Variants in ALDH1L1 observed in about 807,000 individuals in gnomAD.
ALDH1L1 encodes the protein aldehyde dehydrogenase 1 family member L1.
ALDH1L1 carries 68 observed loss-of-function variants against 101.1 expected under a neutral mutation model. The observed-to-expected ratio is 0.67, with a 90% CI of 0.55 to 0.82. The LOEUF is 0.82. Ranked by LOEUF, ALDH1L1 falls within the 40% of genes least tolerant of loss-of-function variation. The pLI is 0.00. For synonymous variants in ALDH1L1, 486 were observed against 470.8 expected (o/e 1.03, Z -0.42); for missense variants, 1,087 against 1,172.7 (o/e 0.93, Z 1.07).
chr3:126,158,675 A>G (rs1422385808), intron 2 of ALDH1L1, 36 bp from the exon 3 acceptor site: 1 of 1,589,212 alleles, frequency 6.3e-7, no homozygotes, highest in Non-Finnish European at 8.6e-7. Context: ...GCCCCTCTCC[A>G]TAACCCACCC....
At chr3:126,193,969 G>A (rs1242898322) in intron 1 of ALDH1L1, among the ~76,000 whole-genome samples, 2 of 152,122 alleles carry the variant, frequency 1.3e-5, no homozygotes, top group Non-Finnish European at 2.9e-5. Context: ...GCACTCCAGA[G>A]TGCTTTTTAG....
intron 17 of ALDH1L1, among the ~76,000 whole-genome samples, chr3:126,117,041 C>T (rs1014143904): frequency 3.9e-5 from 6 of 152,014 alleles, no homozygotes; most frequent in South Asian, 2.1e-4. Context: ...TAAAGGAGTT[C>T]GAGACCAGGC....
chr3:126,116,907 T>C (rs574740188), intron 17 of ALDH1L1, among the ~76,000 whole-genome samples: 3 of 152,174 alleles, frequency 2.0e-5, no homozygotes, highest in Non-Finnish European at 4.4e-5. Flanking sequence ...ACCAGTCAAT[T>C]TGAGGCCAAA....
At chr3:126,145,026 T>C (rs1217354551) in intron 9 of ALDH1L1, among the ~76,000 whole-genome samples, 3 of 152,156 alleles carry the variant, frequency 2.0e-5, no homozygotes, top group Non-Finnish European at 2.9e-5. Context: ...AAGACTTGAA[T>C]AGACATTTCT....
intron 9 of ALDH1L1, among the ~76,000 whole-genome samples, chr3:126,139,572 G>T (rs1236883715): frequency 6.6e-6 from 1 of 152,180 alleles, no homozygotes; most frequent in Non-Finnish European, 1.5e-5. Flanking sequence ...TACCCCTGAG[G>T]AAGATCAGAT....
At position 126,146,934 on chromosome 3, in the gene ALDH1L1, G is replaced by T. The variant is rs779095456; in HGVS notation, c.985-8C>A. ...GATCCGCTGCCAAACACTCTGCAAA[G>T]CAAGACCTGATGAGAGGCTGGCCCC... On this transcript the variant is annotated splice_polypyrimidine_tract_variant and splice_region_variant and intron_variant, in intron 8 of 22. Coordinates refer to ENST00000393434, the MANE Select transcript of ALDH1L1 (RefSeq NM_012190.4). The T allele has an allele frequency of 1.9e-6, 3 of 1,612,798 alleles. No individual in the cohort carries two copies. The highest frequency in any genetic ancestry group is 2.5e-6 in the Non-Finnish European group (3 of 1,179,448).
chr3:126,180,332 G>T, intron 1 of ALDH1L1, 144 bp downstream of exon 1: 1 of 540,788 alleles, frequency 1.8e-6, no homozygotes, highest in Non-Finnish European at 2.4e-6. Flanking sequence ...GCGTCCCAGC[G>T]GCGAAGTTGA....
intron 1 of ALDH1L1, among the ~76,000 whole-genome samples, chr3:126,175,123 A>G (rs192266655): frequency 1.7e-4 from 26 of 152,290 alleles, no homozygotes; most frequent in Non-Finnish European, 3.1e-4. Context: ...ACAACTCTAT[A>G]TCAACAAATT....
chr3:126,154,852 GT>G (rs2080874209), intron 5 of ALDH1L1, among the ~76,000 whole-genome samples: 1 of 152,172 alleles, frequency 6.6e-6, no homozygotes, highest in South Asian at 2.1e-4. Flanking sequence ...CTTCAGAATG[GT>G]TTGGGGAAGA....
intron 1 of ALDH1L1, among the ~76,000 whole-genome samples, chr3:126,196,107 A>G (rs1434772921): frequency 6.6e-6 from 1 of 152,214 alleles, no homozygotes; most frequent in Non-Finnish European, 1.5e-5. Flanking sequence ...AACTTAAAGT[A>G]TAATAAAAAA....
upstream of ALDH1L1, among the ~76,000 whole-genome samples, chr3:126,183,617 C>G (rs72967772): frequency 7.4e-3 from 1,130 of 152,326 alleles, 15 homozygotes; most frequent in African/African-American, 0.025. Flanking sequence ...TTGCCGTACA[C>G]TAGTTACTCC....
At chr3:126,181,109 A>G, upstream of ALDH1L1, 2 of 1,035,994 alleles carry the variant, frequency 1.9e-6, no homozygotes, top group Non-Finnish European at 2.9e-6. Context: ...CCTCTCCGAG[A>G]GAAAAACAGC....
chr3:126,109,927 GAC>G lies in ALDH1L1; in HGVS notation c.2347+15_2347+16del, dbSNP rs1406378453. On this transcript the variant is annotated intron_variant, in intron 20 of 22. Transcript: ENST00000393434. ...TGCCTCAATTGACCCAAGCGGACCTGACACACTCTGACTCACCTGGCCGAGGG... is the reference window on the plus strand; with the variant it reads ...TGCCTCAATTGACCCAAGCGGACCTGACACTCTGACTCACCTGGCCGAGGG... 6.2e-7 allele frequency: 1 copy of G among 1,612,834 alleles called. No homozygotes were observed. Among genetic ancestry groups the G allele is most frequent in the Non-Finnish European group, 8.5e-7 (1 of 1,179,792 alleles).
intron 1 of ALDH1L1, among the ~76,000 whole-genome samples, chr3:126,170,930 G>T (rs1445109359): frequency 2.0e-5 from 3 of 152,174 alleles, no homozygotes; most frequent in African/African-American, 7.2e-5. Flanking sequence ...ATGGGCCCCA[G>T]TAAAACAGTG....
chr3:126,173,878 A>G (rs958088375), intron 1 of ALDH1L1, among the ~76,000 whole-genome samples: 10 of 152,240 alleles, frequency 6.6e-5, no homozygotes, highest in Non-Finnish European at 1.3e-4. Flanking sequence ...CATAATGGTA[A>G]AGGAGTCAAT....
chr3:126,108,239 C>T (rs1265722409), intron 20 of ALDH1L1, among the ~76,000 whole-genome samples: 1 of 152,172 alleles, frequency 6.6e-6, no homozygotes, highest in Non-Finnish European at 1.5e-5. Context: ...TTGTACTCTC[C>T]CCTGTCCCCT....
intron 9 of ALDH1L1, among the ~76,000 whole-genome samples, chr3:126,143,757 A>G (rs1482458123): frequency 1.3e-5 from 2 of 152,192 alleles, no homozygotes; most frequent in Admixed American, 1.3e-4. Context: ...AGCCCGGGCA[A>G]CATAGCAAGA....
chr3:126,155,682 T>C (rs1027363264), intron 4 of ALDH1L1, 179 bp from the exon 5 acceptor site: 12 of 536,192 alleles, frequency 2.2e-5, no homozygotes, highest in Non-Finnish European at 3.9e-5. Flanking sequence ...TAACTTCTAT[T>C]GCACAACGGA....
chr3:126,161,205 TAATGTCAGAATATTC>T (rs1296434508), intron 1 of ALDH1L1, among the ~76,000 whole-genome samples: 1 of 152,188 alleles, frequency 6.6e-6, no homozygotes, highest in Non-Finnish European at 1.5e-5. Context: ...AATGGATCCC[TAATGTCAGAATATTC>T]AATGCGACAG....
Sources: allele counts gnomAD v4.1 joint callset (sites outside exome capture counted in the v4.1 genomes callset), GRCh38; gene constraint gnomAD v4.1.1; transcripts MANE v1.5; gene names NCBI Gene and HGNC (gene_info 2026-07-23, HGNC 2026-07-21).